Variants in BICRA observed in about 807,000 individuals in gnomAD.
The protein encoded by BICRA is BRD4-interacting chromatin-remodeling complex-associated protein.
In BICRA, 31 loss-of-function variants were observed where a neutral mutation model predicts 96.9. The ratio of observed to expected loss-of-function variants is 0.32; its 90% confidence interval spans 0.24 to 0.43. BICRA has a LOEUF of 0.43. Ranked by LOEUF, BICRA falls within the 20% of genes least tolerant of loss-of-function variation. BICRA has a pLI of 1.00. For missense variants in BICRA, 2,283 were observed against 2,190.3 expected (o/e 1.04, Z -0.84); for synonymous variants, 1,350 against 1,071.8 (o/e 1.26, Z -5.07).
intron 1 of BICRA, among the ~76,000 whole-genome samples, chr19:47,634,861 T>C (rs1972276309): frequency 6.6e-6 from 1 of 150,866 alleles, no homozygotes; most frequent in Non-Finnish European, 1.5e-5. Flanking sequence ...TTCCCGGGTT[T>C]ACGCCATTCT....
chr19:47,695,848 C>T (rs757432964), intron 10 of BICRA, among the ~76,000 whole-genome samples: 29 of 151,860 alleles, frequency 1.9e-4, no homozygotes, highest in East Asian at 7.7e-4. Flanking sequence ...AGACCGGAGA[C>T]GGAGCAGATC....
At chr19:47,677,287 G>A (rs1475551674) in intron 5 of BICRA, among the ~76,000 whole-genome samples, 1 of 152,230 alleles carries the variant, frequency 6.6e-6, no homozygotes, top group East Asian at 1.9e-4. Context: ...GTCAGTATTG[G>A]TGGAGATGGA....
chr19:47,665,692 T>C (rs758943764), intron 1 of BICRA, among the ~76,000 whole-genome samples: 3 of 152,186 alleles, frequency 2.0e-5, no homozygotes, highest in Non-Finnish European at 4.4e-5. Flanking sequence ...CCCTGCCTTC[T>C]GGGTTGAGAG....
intron 1 of BICRA, among the ~76,000 whole-genome samples, chr19:47,641,316 CATT>C (rs1026648439): frequency 1.3e-5 from 2 of 151,836 alleles, no homozygotes; most frequent in Admixed American, 1.3e-4. Flanking sequence ...AAATGTGTAC[CATT>C]ATTAACCATC....
intron 1 of BICRA, among the ~76,000 whole-genome samples, chr19:47,635,809 A>G (rs1296611326): frequency 6.6e-6 from 1 of 152,172 alleles, no homozygotes; most frequent in African/African-American, 2.4e-5. Flanking sequence ...GTAATACTCC[A>G]TTGTGCAGAT....
Position 47,701,567 on chromosome 19 carries a change from T to G in BICRA, c.3835T>G (p.Ser1279Ala), listed in dbSNP as rs767782397. Residue 1279 changes from serine (S) to alanine (A), a missense_variant, in exon 15 of 15, where the codon TCC (serine) becomes GCC (alanine). Physicochemically the swap from Ser to Ala is moderately conservative, Grantham distance 99 (BLOSUM62 1). Transcript: ENST00000594866. This position sits in a 1 kb window ranked among gnomAD's most constrained non-coding sequence, Gnocchi z 5.4. ...SSSSSSSSAA[S>A]SLDADEDGPM... ...CTCTTCCTCCTCCTCCTCTGCCGCCTCCTCCTTGGACGCCGACGAGGACGG... is the reference window on the plus strand; with the variant it reads ...CTCTTCCTCCTCCTCCTCTGCCGCCGCCTCCTTGGACGCCGACGAGGACGG... 95 of 1,552,352 alleles carry G rather than the reference T, an allele frequency of 6.1e-5. No homozygotes were observed. The highest frequency in any genetic ancestry group is 2.0e-4 in the Admixed American group (10 of 51,052).
At chr19:47,615,442 G>A (rs1179287569) in intron 1 of BICRA, among the ~76,000 whole-genome samples, 2 of 152,172 alleles carry the variant, frequency 1.3e-5, no homozygotes, top group South Asian at 2.1e-4. Flanking sequence ...TATGGCCTGC[G>A]TCATGTGCTT....
In BICRA at chr19:47,696,527, C is replaced by T. The variant is rs996481431; in HGVS notation, c.3248+15C>T. Reference sequence around the variant, plus strand: ...AAGGAAGCCTGGTGAGTCCACACCCCATCCTTGCATGCCTGCCCTGTACCT... The same window carrying T: ...AAGGAAGCCTGGTGAGTCCACACCCTATCCTTGCATGCCTGCCCTGTACCT... On this transcript the variant is annotated intron_variant, in intron 11 of 14. Coordinates refer to ENST00000594866, the MANE Select transcript of BICRA (RefSeq NM_001394372.1). 11 of 1,591,386 alleles carry T rather than the reference C, an allele frequency of 6.9e-6. No individual in the cohort carries two copies. The East Asian group carries it at 1.1e-4, about 17-fold the overall frequency.
rs980689338 is a variant in BICRA, at chr19:47,680,415, C to A, written c.1245C>A (p.Pro415=). 6.5e-7 allele frequency: 1 copy of A among 1,535,844 alleles called. No homozygotes were observed. Among genetic ancestry groups the A allele is most frequent in the Non-Finnish European group, 8.7e-7 (1 of 1,145,736 alleles). The part of the protein sequence containing the change: ...AGQNVVLSGF[P]APALQANVFK... ...AGAACGTGGTGCTGTCGGGCTTCCC[C>A]GCGCCTGCGCTGCAAGCGAACGTCT... The change falls in exon 6 of 15, where the codon CCC becomes CCA. Residue 415 remains proline (P), a synonymous_variant. Transcript: ENST00000594866.
chr19:47,641,332 C>T (rs1022523779), intron 1 of BICRA, among the ~76,000 whole-genome samples: 20 of 152,016 alleles, frequency 1.3e-4, no homozygotes, highest in Non-Finnish European at 1.5e-5. Flanking sequence ...TAACCATCAT[C>T]ACGATCAGGA....
At chr19:47,636,234 C>T (rs775900032) in intron 1 of BICRA, among the ~76,000 whole-genome samples, 3 of 152,236 alleles carry the variant, frequency 2.0e-5, no homozygotes, top group East Asian at 1.9e-4. Context: ...TGAGACAGAG[C>T]GTTGCTCTGT....
chr19:47,696,303 G>A (rs1235007094), intron 10 of BICRA, 148 bp from the exon 11 acceptor site: 17 of 677,872 alleles, frequency 2.5e-5, no homozygotes, highest in South Asian at 1.3e-4. Flanking sequence ...ATTGTGATGG[G>A]CAGGGGATCC....
At chr19:47,693,565 C>T (rs543061601) in intron 7 of BICRA, among the ~76,000 whole-genome samples, 55 of 152,356 alleles carry the variant, frequency 3.6e-4, no homozygotes, top group Middle Eastern at 3.4e-3. Context: ...GCCCCCGTGC[C>T]GTGGCCATCA....
At chr19:47,649,990 C>T (rs193200939) in intron 1 of BICRA, among the ~76,000 whole-genome samples, 37 of 151,948 alleles carry the variant, frequency 2.4e-4, no homozygotes, top group Admixed American at 5.2e-4. Context: ...GAGTCTCTGT[C>T]GCCCGAACTG....
chr19:47,671,849 AG>A (rs1353951818), intron 2 of BICRA, among the ~76,000 whole-genome samples: 9 of 120,152 alleles, frequency 7.5e-5, no homozygotes, highest in East Asian at 5.9e-4. Context: ...GAAGGATGGG[AG>A]GGATGGGTAG....
At chr19:47,624,391 G>A (rs1427054913) in intron 1 of BICRA, among the ~76,000 whole-genome samples, 1 of 152,130 alleles carries the variant, frequency 6.6e-6, no homozygotes, top group Non-Finnish European at 1.5e-5. Context: ...TATCACAATA[G>A]AGCGAGCCAC....
intron 1 of BICRA, among the ~76,000 whole-genome samples, chr19:47,630,969 C>G (rs540160839): frequency 2.0e-5 from 3 of 152,310 alleles, no homozygotes; most frequent in African/African-American, 7.2e-5. Flanking sequence ...TTTACACTCA[C>G]AGCACATCTC....
chr19:47,698,858 A>C lies in BICRA; in HGVS notation c.3397+76A>C. The C allele has an allele frequency of 1.4e-6, 2 of 1,395,304 alleles. No individual in the cohort carries two copies. The highest frequency in any genetic ancestry group is 2.0e-6 in the Non-Finnish European group (2 of 1,005,678). 86.4% of individuals were successfully genotyped at this position (1,395,304 alleles called of 1,614,324 possible). A position where few individuals can be genotyped will look rare whatever the true frequency, so the allele number is the denominator to read the frequency against. On this transcript the variant is annotated intron_variant, in intron 12 of 14. Transcript: ENST00000594866. This position sits in a 1 kb window ranked among gnomAD's most constrained non-coding sequence, Gnocchi z 4.8. Reference sequence around the variant, plus strand: ...GTGGGGCGGGGCGTCGCCAGTGTGGAGCCGCAGGTCCACGGTGCGCTATGC... The same window carrying C: ...GTGGGGCGGGGCGTCGCCAGTGTGGCGCCGCAGGTCCACGGTGCGCTATGC...
intron 1 of BICRA, among the ~76,000 whole-genome samples, chr19:47,649,590 G>C (rs977876230): frequency 1.3e-5 from 2 of 152,188 alleles, no homozygotes; most frequent in South Asian, 4.1e-4. Context: ...TAGGGAATTA[G>C]TAGAAATTGA....
Sources: gnomAD v4.1 joint callset for allele counts (sites outside exome capture counted in the v4.1 genomes callset) on GRCh38, gnomAD v4.1.1 for gene constraint, Gnocchi (gnomAD v3.1) non-coding constraint, MANE v1.5 for transcripts, NCBI Gene and HGNC (gene_info 2026-07-23, HGNC 2026-07-21) for gene names.